The following ADHFE1 variants were observed in gnomAD, a reference collection of about 807,000 sequenced individuals.
ADHFE1 encodes the protein hydroxyacid-oxoacid transhydrogenase, mitochondrial.
ADHFE1 carries 37 observed loss-of-function variants against 54.8 expected under a neutral mutation model. The ratio of observed to expected loss-of-function variants is 0.68; its 90% CI spans 0.52 to 0.89. The LOEUF (loss-of-function observed/expected upper bound fraction) is 0.89. Ranked by LOEUF, ADHFE1 falls within the 40% of genes least tolerant of loss-of-function variation. ADHFE1 has a pLI of 0.00. For missense variants in ADHFE1, 601 were observed against 591.2 expected, an observed-to-expected ratio of 1.02 and a Z score of -0.17; for synonymous variants, 203 against 229.3, an observed-to-expected ratio of 0.89 and a Z score of 1.04.
intron 2 of ADHFE1, among the ~76,000 whole-genome samples, chr8:66,440,944 C>T (rs987035262): frequency 2.6e-5 from 4 of 152,140 alleles, no homozygotes; most frequent in Non-Finnish European, 4.4e-5. Flanking sequence ...GAGAGTAACT[C>T]GCCAAGGGCT....
chr8:66,447,460 A>C, intron 7 of ADHFE1, 119 bp downstream of exon 7: 1 of 824,524 alleles, frequency 1.2e-6, no homozygotes, highest in Non-Finnish European at 1.9e-6. Flanking sequence ...AATATTCTAT[A>C]GAAGAGCAAG....
chr8:66,434,833 C>T (rs1228963397), intron 1 of ADHFE1, among the ~76,000 whole-genome samples: 1 of 152,190 alleles, frequency 6.6e-6, no homozygotes, highest in Non-Finnish European at 1.5e-5. Context: ...GATGTGCAGC[C>T]CTGCACAGGG....
At chr8:66,448,748 G>T in intron 7 of ADHFE1, 117 bp from the exon 8 acceptor site, 3 of 983,334 alleles carry the variant, frequency 3.1e-6, no homozygotes, top group Non-Finnish European at 4.6e-6. Flanking sequence ...CTCACTACAT[G>T]AAAATGAACC....
At chr8:66,444,327 T>G in intron 3 of ADHFE1, 40 bp from the exon 4 acceptor site, 1 of 1,602,484 alleles carries the variant, frequency 6.2e-7, no homozygotes. Flanking sequence ...TGGCCAACTC[T>G]CAAATACTCC....
chr8:66,442,124 T>C (rs1424573483), intron 2 of ADHFE1, among the ~76,000 whole-genome samples: 1 of 152,140 alleles, frequency 6.6e-6, no homozygotes, highest in African/African-American at 2.4e-5. Flanking sequence ...ATAAGAAGTG[T>C]AAGCAAGCCT....
chr8:66,463,353 G>A (rs1277539054), intron 13 of ADHFE1, among the ~76,000 whole-genome samples: 1 of 152,158 alleles, frequency 6.6e-6, no homozygotes, highest in African/African-American at 2.4e-5. Context: ...TTGGATATAA[G>A]TTCTGTCTTA....
intron 13 of ADHFE1, among the ~76,000 whole-genome samples, chr8:66,467,955 G>A (rs1477295647): frequency 6.6e-6 from 1 of 152,162 alleles, no homozygotes; most frequent in East Asian, 1.9e-4. Context: ...AGAGAACCTG[G>A]CAGAGGTGGT....
chr8:66,461,113 A>T (rs1238222231), intron 13 of ADHFE1, among the ~76,000 whole-genome samples: 3 of 152,136 alleles, frequency 2.0e-5, no homozygotes, highest in African/African-American at 7.2e-5. Flanking sequence ...CCCTCAGTGG[A>T]CCTCTCTTGA....
At chr8:66,444,205 CCACACTT>C (rs1321245831) in intron 3 of ADHFE1, among the ~76,000 whole-genome samples, 155 bp from the exon 4 acceptor site, 1 of 152,124 alleles carries the variant, frequency 6.6e-6, no homozygotes, top group Non-Finnish European at 1.5e-5. Flanking sequence ...TGTGGTGCGT[CCACACTT>C]CTTTAAGTGA....
In ADHFE1 at chr8:66,444,440, A is replaced by G. The variant is rs1805922891; in HGVS notation, c.198+20A>G. On this transcript the variant is annotated intron_variant, in intron 4 of 13. Transcript: ENST00000396623. The stretch of plus-strand genomic sequence containing the variant: ...GGAATGGCAAGTATTCGAGATGTCT[A>G]CGGTCTCCTACTGTAAATGTTACAT... The G allele has an allele frequency of 6.2e-7, 1 of 1,612,888 alleles. No homozygotes were observed. The highest frequency in any genetic ancestry group is 8.5e-7 in the Non-Finnish European group (1 of 1,178,932).
chr8:66,457,170 T>A lies in ADHFE1; in HGVS notation c.1162+4T>A. The A allele has an allele frequency of 6.2e-7, 1 of 1,610,170 alleles. No homozygotes were observed. Among genetic ancestry groups the A allele is most frequent in the Non-Finnish European group, 8.5e-7 (1 of 1,177,590 alleles). On this transcript the variant is annotated splice_donor_region_variant and intron_variant, in intron 12 of 13. Coordinates refer to ENST00000396623, the MANE Select transcript of ADHFE1 (RefSeq NM_144650.3). ...CTGGAGATGGCAGAAATACTGGGTA[T>A]GAACCATTACTCAAAATTCTGTGAC...
intron 10 of ADHFE1, among the ~76,000 whole-genome samples, chr8:66,455,815 C>G (rs1806554182): frequency 6.6e-6 from 1 of 152,124 alleles, no homozygotes; most frequent in African/African-American, 2.4e-5. Flanking sequence ...CCCAGCTACT[C>G]AAACACCTGT....
chr8:66,438,664 G>A, intron 1 of ADHFE1, among the ~76,000 whole-genome samples: 1 of 152,078 alleles, frequency 6.6e-6, no homozygotes, highest in East Asian at 1.9e-4. Context: ...AGGAGAGAGA[G>A]GGAGAGTGAG....
intron 7 of ADHFE1, among the ~76,000 whole-genome samples, chr8:66,448,125 C>T (rs565518309): frequency 1.8e-4 from 28 of 152,266 alleles, no homozygotes; most frequent in Non-Finnish European, 2.9e-4. Context: ...ATTTTTATGC[C>T]GTCTTCTCTG....
At chr8:66,459,430 A>ATATATATATATT (rs1191407388) in intron 12 of ADHFE1, 4 of 126,766 alleles carry the variant, frequency 3.2e-5, no homozygotes, top group Middle Eastern at 4.1e-3. Context: ...ATATATATAT[A>ATATATATATATT]TTTTTTTTTT....
At chr8:66,448,723 A>G in intron 7 of ADHFE1, 142 bp from the exon 8 acceptor site, 1 of 786,722 alleles carries the variant, frequency 1.3e-6, no homozygotes, top group African/African-American at 1.7e-5. Context: ...ATCACTTTCC[A>G]TTGCTCCTTA....
At chr8:66,447,790 T>G (rs1806106725) in intron 7 of ADHFE1, among the ~76,000 whole-genome samples, 3 of 152,252 alleles carry the variant, frequency 2.0e-5, no homozygotes, top group African/African-American at 7.2e-5. Context: ...TGAAAGCATA[T>G]TGAAATGCCA....
intron 12 of ADHFE1, among the ~76,000 whole-genome samples, chr8:66,457,738 C>A (rs1806665332): frequency 6.8e-6 from 1 of 147,268 alleles, no homozygotes; most frequent in Non-Finnish European, 1.5e-5. Context: ...CACTAAAATT[C>A]TGTCATTATT....
chr8:66,447,417 T>G, intron 7 of ADHFE1, 76 bp downstream of exon 7: 1 of 1,271,152 alleles, frequency 7.9e-7, no homozygotes, highest in East Asian at 2.4e-5. Flanking sequence ...TATTTAAAAA[T>G]CAAGCAGTTA....
Sources: allele counts gnomAD v4.1 joint callset (sites outside exome capture counted in the v4.1 genomes callset), GRCh38; gene constraint gnomAD v4.1.1; transcripts MANE v1.5; gene names NCBI Gene and HGNC (gene_info 2026-07-23, HGNC 2026-07-21).